The following PPFIBP1 variants were observed in gnomAD, a reference collection of about 807,000 sequenced individuals.
The protein encoded by PPFIBP1 is PPFIB scaffold protein 1.
Under a neutral mutation model 137.8 loss-of-function variants are expected in PPFIBP1, and 112 were observed. The observed-to-expected ratio is 0.81, with a 90% CI of 0.70 to 0.95. The LOEUF is 0.95. Among genes scored for constraint, PPFIBP1 ranks in the 40% least tolerant of loss-of-function variants. PPFIBP1 has a pLI of 0.00. For missense variants in PPFIBP1, 1,083 were observed against 1,196.6 expected (o/e 0.91, Z 1.40); for synonymous variants, 378 against 417.3 (o/e 0.91, Z 1.15).
intron 1 of PPFIBP1, among the ~76,000 whole-genome samples, chr12:27,542,377 T>C (rs1184085000): frequency 6.6e-6 from 1 of 152,196 alleles, no homozygotes; most frequent in Admixed American, 6.5e-5. Flanking sequence ...CAATTCCCCA[T>C]GGATACTGAG....
At chr12:27,672,974 C>CT (rs56696056) in intron 15 of PPFIBP1, among the ~76,000 whole-genome samples, 152,114 of 152,322 alleles carry the variant, frequency 1, 75,954 homozygotes, top group Middle Eastern at 1. Context: ...GAGATCTTTT[C>CT]TTTCTCACTA....
chr12:27,626,107 A>G (rs2056796957), intron 2 of PPFIBP1, among the ~76,000 whole-genome samples: 1 of 152,018 alleles, frequency 6.6e-6, no homozygotes, highest in Non-Finnish European at 1.5e-5. Context: ...TTAATTTTCT[A>G]GGGATGTTAG....
intron 1 of PPFIBP1, among the ~76,000 whole-genome samples, chr12:27,568,334 T>C (rs544500638): frequency 6.6e-6 from 1 of 152,356 alleles, no homozygotes; most frequent in East Asian, 1.9e-4. Context: ...TGTATTCTTT[T>C]TTGTATTGGT....
chr12:27,540,396 G>C (rs1945519584), intron 1 of PPFIBP1, among the ~76,000 whole-genome samples: 1 of 151,128 alleles, frequency 6.6e-6, no homozygotes, highest in African/African-American at 2.4e-5. Flanking sequence ...TCCTTTGAAA[G>C]GCAAACACCA....
At chr12:27,594,811 C>T (rs1399370960) in intron 2 of PPFIBP1, among the ~76,000 whole-genome samples, 2 of 152,082 alleles carry the variant, frequency 1.3e-5, no homozygotes, top group African/African-American at 2.4e-5. Flanking sequence ...TTTATATAAA[C>T]ACACACATAT....
chr12:27,572,174 G>A (rs1007476964), intron 1 of PPFIBP1, among the ~76,000 whole-genome samples: 3 of 152,124 alleles, frequency 2.0e-5, no homozygotes, highest in East Asian at 1.9e-4. Context: ...ACATTGTTAT[G>A]TAAATTTTGC....
intron 21 of PPFIBP1, 23 bp from the exon 22 acceptor site, chr12:27,681,523 T>G (rs369306364): frequency 1.2e-6 from 2 of 1,608,948 alleles, no homozygotes. Flanking sequence ...TTATTTTTCA[T>G]GCAATTACTC....
At chr12:27,615,547 A>G (rs752362807) in intron 2 of PPFIBP1, among the ~76,000 whole-genome samples, 21 of 152,390 alleles carry the variant, frequency 1.4e-4, no homozygotes, top group Non-Finnish European at 2.1e-4. Flanking sequence ...GTACTTGCTT[A>G]TAGGCATAGT....
intron 4 of PPFIBP1, among the ~76,000 whole-genome samples, chr12:27,640,978 C>G (rs113740967): frequency 4.6e-5 from 7 of 152,230 alleles, no homozygotes; most frequent in South Asian, 2.1e-4. Flanking sequence ...ATGGACTGAG[C>G]CTTACTCTTC....
Position 27,676,516 on chromosome 12 carries a change from G to A in PPFIBP1, c.1499G>A (p.Gly500Asp). Residue 500 changes from glycine to aspartate, a missense_variant, in exon 18 of 30, where the codon GGC (glycine) becomes GAC (aspartate). Coordinates refer to ENST00000228425, the MANE Select transcript of PPFIBP1 (RefSeq NM_003622.4). ...QDTSMDDNPF[G>D]TRKVRSSFGR... is the part of the protein sequence containing the mutation. ...ACCTCCATGGATGACAACCCCTTCG[G>A]CACTCGAAAAGTCAGATCTTCCTTT... 6.2e-7 allele frequency: 1 copy of A among 1,609,814 alleles called. No individual in the cohort carries two copies. Among genetic ancestry groups the A allele is most frequent in the Admixed American group, 1.7e-5 (1 of 59,430 alleles).
At chr12:27,656,402 T>C (rs962318976) in intron 8 of PPFIBP1, among the ~76,000 whole-genome samples, 1 of 152,234 alleles carries the variant, frequency 6.6e-6, no homozygotes, top group Non-Finnish European at 1.5e-5. Context: ...AAACTTGAAA[T>C]AATTATACCA....
chr12:27,601,329 C>T (rs1156876753), intron 2 of PPFIBP1, among the ~76,000 whole-genome samples: 4 of 152,026 alleles, frequency 2.6e-5, no homozygotes, highest in East Asian at 1.9e-4. Flanking sequence ...ATATTTATAA[C>T]GATTATTTTT....
chr12:27,682,479 G>GGATTTCAA lies in PPFIBP1; in HGVS notation c.2140_2147dup (p.Asn716LysfsTer35). The GGATTTCAA allele has an allele frequency of 6.2e-7, 1 of 1,613,740 alleles. No homozygotes were observed. The highest frequency in any genetic ancestry group is 8.5e-7 in the Non-Finnish European group (1 of 1,179,688). On this transcript the variant is annotated frameshift_variant, in exon 23 of 30. Coordinates refer to ENST00000228425, the MANE Select transcript of PPFIBP1 (RefSeq NM_003622.4). LOFTEE classifies it high-confidence loss of function. ...AAGAAGAAACCAATCATGGGAAGCTGGATTTCAACTGGGTCACTAGTAAGA... is the reference window on the plus strand; with the variant it reads ...AAGAAGAAACCAATCATGGGAAGCTGGATTTCAAGATTTCAACTGGGTCACTAGTAAGA...
chr12:27,667,566 A>G (rs2059932363), intron 13 of PPFIBP1, among the ~76,000 whole-genome samples: 1 of 152,072 alleles, frequency 6.6e-6, no homozygotes, highest in African/African-American at 2.4e-5. Context: ...ACAGTTATAC[A>G]CTCCTTACTT....
chr12:27,690,990 A>G (rs1010094), intron 27 of PPFIBP1, among the ~76,000 whole-genome samples: 131,584 of 150,924 alleles, frequency 0.87, 57,527 homozygotes, highest in Non-Finnish European at 0.89. Context: ...AATTTGTGCC[A>G]AAGTTCTTTT....
chr12:27,630,889 C>T (rs760140136), intron 2 of PPFIBP1, among the ~76,000 whole-genome samples: 11 of 151,616 alleles, frequency 7.3e-5, no homozygotes, highest in Non-Finnish European at 1.0e-4. Context: ...TTTAAGTCTA[C>T]CACTTTGGCT....
intron 1 of PPFIBP1, among the ~76,000 whole-genome samples, chr12:27,533,984 T>C (rs67841159): frequency 0.17 from 25,906 of 152,146 alleles, 2,470 homozygotes; most frequent in Middle Eastern, 0.26. Context: ...GGTCAGTTCA[T>C]GAACCTGGAA....
chr12:27,661,480 C>T (rs1390709663), intron 11 of PPFIBP1, among the ~76,000 whole-genome samples: 11 of 84 alleles, frequency 0.13, no homozygotes, highest in African/African-American at 0.28. Flanking sequence ...AGGTTTCCTC[C>T]CCCCCCAGTT....
chr12:27,653,544 G>A (rs1478073883), intron 7 of PPFIBP1, among the ~76,000 whole-genome samples: 5 of 149,394 alleles, frequency 3.3e-5, no homozygotes, highest in South Asian at 2.1e-4. Flanking sequence ...CTGAGATGGC[G>A]GCACTGCACT....
Sources: gnomAD v4.1 joint callset for allele counts (sites outside exome capture counted in the v4.1 genomes callset) on GRCh38, gnomAD v4.1.1 for gene constraint, MANE v1.5 for transcripts, NCBI Gene and HGNC (gene_info 2026-07-23, HGNC 2026-07-21) for gene names.